The following CFAP263 variants were observed in gnomAD, a reference collection of about 807,000 sequenced individuals.
CFAP263 encodes cilia- and flagella-associated protein 263.
chr16:58,259,000 A>G, the CFAP263 span, among the ~76,000 whole-genome samples: 8 of 151,094 alleles, frequency 5.3e-5, no homozygotes, highest in South Asian at 1.5e-3. Context: ...TAAATAAATA[A>G]ATAAATAAAT....
chr16:58,280,416 A>G, the CFAP263 span: 17 of 1,613,908 alleles, frequency 1.1e-5, no homozygotes, highest in African/African-American at 1.3e-5. Flanking sequence ...TAACATCTAG[A>G]CTATCTCTAG....
chr16:58,260,464 T>A, the CFAP263 span, among the ~76,000 whole-genome samples: 1 of 152,208 alleles, frequency 6.6e-6, no homozygotes, highest in African/African-American at 2.4e-5. Flanking sequence ...AGGAAACTCA[T>A]ATGATGACTG....
At chr16:58,266,930 A>T in the CFAP263 span, among the ~76,000 whole-genome samples, 1 of 152,168 alleles carries the variant, frequency 6.6e-6, no homozygotes, top group African/African-American at 2.4e-5. Context: ...TATGGGCTCA[A>T]TTCCCGGCTC....
the CFAP263 span, among the ~76,000 whole-genome samples, chr16:58,272,843 C>T: frequency 6.6e-6 from 1 of 151,646 alleles, no homozygotes; most frequent in Non-Finnish European, 1.5e-5. Context: ...TATTTTCTGC[C>T]TCAGTCCTAG....
the CFAP263 span, among the ~76,000 whole-genome samples, chr16:58,277,390 A>G: frequency 1.3e-5 from 2 of 152,260 alleles, no homozygotes; most frequent in East Asian, 3.9e-4. Flanking sequence ...TAGCCTCCCA[A>G]AGTGCTGGGA....
chr16:58,264,246 A>G, the CFAP263 span, among the ~76,000 whole-genome samples: 1 of 152,162 alleles, frequency 6.6e-6, no homozygotes, highest in Non-Finnish European at 1.5e-5. Flanking sequence ...GTACTTGATC[A>G]CATTGGACCT....
At chr16:58,250,789 A>G in the CFAP263 span, among the ~76,000 whole-genome samples, 30 of 149,058 alleles carry the variant, frequency 2.0e-4, no homozygotes, top group African/African-American at 7.1e-4. Context: ...AAAAAATTAT[A>G]TGATAAAACT....
At chr16:58,272,273 C>T in the CFAP263 span, among the ~76,000 whole-genome samples, 1 of 148,134 alleles carries the variant, frequency 6.8e-6, no homozygotes, top group South Asian at 2.1e-4. Context: ...GCCTCAGCCT[C>T]CCAAAGTGCT....
the CFAP263 span, among the ~76,000 whole-genome samples, chr16:58,251,805 C>A: frequency 7.6e-5 from 1 of 13,236 alleles, no homozygotes; most frequent in East Asian, 1.3e-3. Flanking sequence ...CAAAGCTGTT[C>A]TCTCTCTCAT....
the CFAP263 span, chr16:58,254,176 G>C: frequency 2.5e-6 from 4 of 1,613,938 alleles, no homozygotes; most frequent in Non-Finnish European, 3.4e-6. Flanking sequence ...CTTCCTGCCA[G>C]CGCAGCCTGT....
At chr16:58,275,164 A>T in the CFAP263 span, among the ~76,000 whole-genome samples, 3 of 152,170 alleles carry the variant, frequency 2.0e-5, no homozygotes, top group Admixed American at 2.0e-4. Context: ...AAATTAAATT[A>T]TTGGTTTGTT....
the CFAP263 span, among the ~76,000 whole-genome samples, chr16:58,261,985 T>C: frequency 1.3e-5 from 2 of 152,138 alleles, no homozygotes; most frequent in South Asian, 2.1e-4. Context: ...TCTTCCTTCA[T>C]GGTCCTGTTT....
the CFAP263 span, among the ~76,000 whole-genome samples, chr16:58,257,014 C>CTTTTTTTTTTTTTTTTTTT: frequency 2.4e-4 from 10 of 41,928 alleles, 4 homozygotes; most frequent in African/African-American, 2.4e-4. Context: ...ATATGAATTT[C>CTTTTTTTTTTTTTTTTTTT]TTTTTTTTTT....
the CFAP263 span, among the ~76,000 whole-genome samples, chr16:58,251,193 C>T: frequency 1.3e-5 from 2 of 152,110 alleles, no homozygotes; most frequent in African/African-American, 4.8e-5. Flanking sequence ...ACACTGCAAC[C>T]CTAGGAAGTG....
chr16:58,281,101 T>C, the CFAP263 span: 15 of 256,996 alleles, frequency 5.8e-5, no homozygotes, highest in African/African-American at 3.3e-4. Context: ...TGTTTTGTCC[T>C]GAAATGCTCA....
the CFAP263 span, chr16:58,282,680 A>T: frequency 4.6e-5 from 7 of 152,192 alleles, no homozygotes; most frequent in Admixed American, 3.3e-4. Flanking sequence ...GGCACTCCTG[A>T]CTTTTCAATT....
the CFAP263 span, among the ~76,000 whole-genome samples, chr16:58,264,981 A>G: frequency 2.6e-5 from 4 of 152,130 alleles, no homozygotes; most frequent in Admixed American, 1.3e-4. Context: ...TGTGAGTTTC[A>G]TGTGTGAGCC....
the CFAP263 span, chr16:58,278,561 AC>A: frequency 1.2e-6 from 2 of 1,614,182 alleles, no homozygotes; most frequent in African/African-American, 1.3e-5. Context: ...GTGATGACTT[AC>A]GTCCGGGAGA....
At chr16:58,274,565 C>G in the CFAP263 span, among the ~76,000 whole-genome samples, 1 of 152,282 alleles carries the variant, frequency 6.6e-6, no homozygotes, top group Admixed American at 6.5e-5. Flanking sequence ...TGAGGGAGTT[C>G]TCATGAGATC....
Sources: allele counts gnomAD v4.1 joint callset (sites outside exome capture counted in the v4.1 genomes callset), GRCh38; gene constraint gnomAD v4.1.1; transcripts MANE v1.5; gene names NCBI Gene and HGNC (gene_info 2026-07-23, HGNC 2026-07-21).